The following CBLN2 variants were observed in gnomAD, a reference collection of about 807,000 sequenced individuals.
The protein encoded by CBLN2 is cerebellin 2 precursor, also known as cerebellin-2.
A neutral mutation model predicts 15.0 loss-of-function variants in CBLN2; 7 were observed. The observed-to-expected ratio is 0.47, with a 90% confidence interval of 0.27 to 0.88. The LOEUF (loss-of-function observed/expected upper bound fraction) is 0.88, where lower values mean the gene tolerates loss of function less well. Among genes scored for constraint, CBLN2 ranks in the 40% least tolerant of loss-of-function variants. The pLI is 0.14. For synonymous variants in CBLN2, 149 were observed against 135.2 expected, an observed-to-expected ratio of 1.10 and a Z score of -0.71; for missense variants, 242 against 304.5, an observed-to-expected ratio of 0.79 and a Z score of 1.53.
chr18:72,616,192 C>G (rs1415475547), intron 1 of CBLN2, among the ~76,000 whole-genome samples: 1 of 152,184 alleles, frequency 6.6e-6, no homozygotes, highest in African/African-American at 2.4e-5. Flanking sequence ...AATATATGAC[C>G]ACCCTGCTCT....
intron 1 of CBLN2, among the ~76,000 whole-genome samples, chr18:72,583,638 GC>G (rs2069422121): frequency 6.6e-6 from 1 of 151,998 alleles, no homozygotes; most frequent in Non-Finnish European, 1.5e-5. Context: ...TATACCAGAA[GC>G]TTTAAAAAAT....
chr18:72,568,923 C>T (rs2069313413), intron 1 of CBLN2, among the ~76,000 whole-genome samples: 1 of 152,166 alleles, frequency 6.6e-6, no homozygotes, highest in South Asian at 2.1e-4. Context: ...GAAAAAAAAT[C>T]TGAGGAAATA....
In CBLN2 at chr18:72,537,459, A is replaced by G. The variant is rs2069072227; in HGVS notation, c.*717T>C. 6.6e-6 allele frequency: 1 copy of G among 152,466 alleles called. No individual in the cohort carries two copies. The highest frequency in any genetic ancestry group is 1.5e-5 in the Non-Finnish European group (1 of 68,036). 9.4% of individuals were successfully genotyped at this position (152,466 alleles called of 1,614,324 possible). A position where few individuals can be genotyped will look rare whatever the true frequency, so the allele number is the denominator to read the frequency against. On this transcript the variant is annotated 3_prime_UTR_variant, in exon 5 of 5. Transcript: ENST00000269503. ...AGGAATTCTATATTTTCTCTCCTCA[A>G]CCCCAGCAAGAAAAATAAAAGTGGG...
intron 1 of CBLN2, among the ~76,000 whole-genome samples, chr18:72,617,307 T>C (rs1006929957): frequency 6.6e-5 from 10 of 152,182 alleles, no homozygotes; most frequent in Non-Finnish European, 1.2e-4. Flanking sequence ...CGTAAACTTA[T>C]ACATGTTTAC....
In CBLN2 at chr18:72,595,443, T is replaced by C. The variant is rs185491456; in HGVS notation, c.15+42882A>G. ...AAGGCTTGTTTCGTGGTCTAATGTA[T>C]AGTTTATCCTTGAGAATAATCCATG... On this transcript the variant is annotated intron_variant, in intron 1 of 2. Coordinates refer to the CBLN2 transcript ENST00000581073. 5.1e-3 allele frequency among the ~76,000 whole-genome samples: 779 copies of C among 152,254 alleles called. 45 individuals carry two copies. In the South Asian group the frequency reaches 0.12, roughly 23 times the overall value.
At chr18:72,563,986 T>C (rs1207604563) in intron 1 of CBLN2, among the ~76,000 whole-genome samples, 1 of 152,172 alleles carries the variant, frequency 6.6e-6, no homozygotes, top group Non-Finnish European at 1.5e-5. Flanking sequence ...TGAAACCATG[T>C]CCACTCGAAA....
At chr18:72,608,890 T>C (rs2069602182) in intron 1 of CBLN2, among the ~76,000 whole-genome samples, 1 of 152,212 alleles carries the variant, frequency 6.6e-6, no homozygotes, top group Admixed American at 6.5e-5. Context: ...TCTTACATGA[T>C]GGCAGGCAAG....
At chr18:72,603,988 T>C (rs1372268708) in intron 1 of CBLN2, among the ~76,000 whole-genome samples, 1 of 152,176 alleles carries the variant, frequency 6.6e-6, no homozygotes. Context: ...ACACATGGAA[T>C]CCCACTAGGT....
upstream of CBLN2, among the ~76,000 whole-genome samples, chr18:72,546,385 C>A (rs1299485836): frequency 7.3e-5 from 11 of 151,306 alleles, no homozygotes; most frequent in African/African-American, 2.7e-4. Context: ...TGCAGTGAGC[C>A]AAGATCGGGC....
intron 1 of CBLN2, among the ~76,000 whole-genome samples, chr18:72,604,512 T>C (rs1407024105): frequency 6.6e-6 from 1 of 152,208 alleles, no homozygotes; most frequent in African/African-American, 2.4e-5. Context: ...CATATTCTGT[T>C]GCCATGACTT....
At chr18:72,565,254 A>G in intron 1 of CBLN2, among the ~76,000 whole-genome samples, 1 of 152,292 alleles carries the variant, frequency 6.6e-6, no homozygotes, top group African/African-American at 2.4e-5. Flanking sequence ...TATTACTGTC[A>G]TGGTAGTAAT....
intron 1 of CBLN2, among the ~76,000 whole-genome samples, chr18:72,575,856 A>G (rs972324380): frequency 6.6e-6 from 1 of 152,146 alleles, no homozygotes; most frequent in Non-Finnish European, 1.5e-5. Context: ...TTGTTTGCCA[A>G]TTGCTGGAGT....
At chr18:72,598,694 G>T (rs888730671) in intron 1 of CBLN2, among the ~76,000 whole-genome samples, 2 of 152,190 alleles carry the variant, frequency 1.3e-5, no homozygotes, top group African/African-American at 4.8e-5. Context: ...GAGCATTTTA[G>T]CTCATGGTGG....
chr18:72,551,847 C>T (rs577152899), intron 1 of CBLN2, among the ~76,000 whole-genome samples: 6 of 152,270 alleles, frequency 3.9e-5, no homozygotes, highest in African/African-American at 1.4e-4. Flanking sequence ...TCTTGACTCA[C>T]CTTAGGGAAT....
At chr18:72,598,008 C>A (rs2069524220) in intron 1 of CBLN2, among the ~76,000 whole-genome samples, 1 of 152,166 alleles carries the variant, frequency 6.6e-6, no homozygotes, top group African/African-American at 2.4e-5. Context: ...AATTGCAGAT[C>A]CCAGCTGCCC....
At position 72,538,299 on chromosome 18, in the gene CBLN2, A is replaced by G. The variant is rs2069082830; in HGVS notation, c.552T>C (p.Ala184=). The change falls in exon 5 of 5, where the codon GCT becomes GCC. Residue 184 remains alanine, a synonymous_variant. Coordinates refer to ENST00000269503, the MANE Select transcript of CBLN2 (RefSeq NM_182511.4). ...CCATGAGCAGCAGCACGCCATTGCT[A>G]GCAGCTTCTCTGGTGACATCCTGGT... ...AGDQDVTREA[A]SNGVLLLMER... is the part of the protein sequence containing the mutation. The G allele has an allele frequency of 1.2e-6, 2 of 1,614,072 alleles. No homozygotes were observed. The highest frequency in any genetic ancestry group is 1.1e-5 in the South Asian group (1 of 91,082).
At chr18:72,541,377 G>C (rs947469093) in intron 3 of CBLN2, among the ~76,000 whole-genome samples, 1 of 151,828 alleles carries the variant, frequency 6.6e-6, no homozygotes, top group Non-Finnish European at 1.5e-5. Context: ...CAGAGACTTG[G>C]GAAGACTCCT....
At chr18:72,636,106 T>C (rs138719829) in intron 1 of CBLN2, among the ~76,000 whole-genome samples, 98 of 152,334 alleles carry the variant, frequency 6.4e-4, no homozygotes, top group African/African-American at 1.9e-3. Flanking sequence ...TACCCAGTGA[T>C]ATTTATAGTG....
rs77193191 is a variant in CBLN2, at chr18:72,570,701, C to T, written c.16-31929G>A. 3.1e-3 allele frequency among the ~76,000 whole-genome samples: 476 copies of T among 152,194 alleles called. 6 individuals carry two copies. Among genetic ancestry groups the T allele is most frequent in the African/African-American group, 0.011 (457 of 41,528 alleles). On this transcript the variant is annotated intron_variant, in intron 1 of 2. Transcript: ENST00000581073. ...GACATCCAAGCATCAAAACCATCAA[C>T]GCAAACCCCACAATTTCATGAAACT...
Sources: allele counts gnomAD v4.1 joint callset (sites outside exome capture counted in the v4.1 genomes callset), GRCh38; gene constraint gnomAD v4.1.1; transcripts MANE v1.5; gene names NCBI Gene and HGNC (gene_info 2026-07-23, HGNC 2026-07-21).